DNMT1: variants seen among roughly 807,000 people sequenced by gnomAD.
DNMT1 encodes DNA (cytosine-5)-methyltransferase 1.
A neutral mutation model predicts 205.3 loss-of-function variants in DNMT1; 24 were observed. The ratio of observed to expected loss-of-function variants is 0.12; its 90% CI spans 0.08 to 0.16. The LOEUF (loss-of-function observed/expected upper bound fraction) is 0.16, where lower values mean the gene tolerates loss of function less well. Among genes scored for constraint, DNMT1 ranks in the 10% least tolerant of loss-of-function variants. The probability of loss-of-function intolerance (pLI) is 1.00; values close to 1 mark genes in which losing one functional copy is unlikely to be tolerated. For missense variants in DNMT1, 1,293 were observed against 2,177.7 expected (o/e 0.59, Z 8.09); for synonymous variants, 817 against 839.8 (o/e 0.97, Z 0.47).
Position 10,140,665 on chromosome 19 carries a change from G to T in DNMT1, c.3523+116C>A. 6.3e-7 allele frequency: 1 copy of T among 1,576,584 alleles called. No individual in the cohort carries two copies. ...TTACAGGCGTGCGCCACCGTGCCTG[G>T]CCTCGGAAGGAGATTCTTGAGTCAG... On this transcript the variant is annotated intron_variant, in intron 32 of 40. Coordinates refer to ENST00000359526, the MANE Select transcript of DNMT1 (RefSeq NM_001130823.3). This position sits in a 1 kb window ranked among gnomAD's most constrained non-coding sequence, Gnocchi z 8.4.
intron 14 of DNMT1, 80 bp from the exon 15 acceptor site, chr19:10,160,143 C>T (rs2038538266): frequency 5.6e-6 from 9 of 1,600,228 alleles, no homozygotes; most frequent in African/African-American, 4.0e-5. Context: ...GAGGTTTCTG[C>T]CTGAGGTGCC....
intron 30 of DNMT1, chr19:10,141,805 T>A: frequency 1.8e-6 from 1 of 569,764 alleles, no homozygotes; most frequent in Non-Finnish European, 3.1e-6. Flanking sequence ...AAACCAGGAG[T>A]GTTAAACTCC....
In DNMT1 at chr19:10,156,618, CTTT is replaced by C; in HGVS notation, c.1281-112_1281-110del. On this transcript the variant is annotated intron_variant, in intron 17 of 40. Transcript: ENST00000359526. The surrounding 1 kb of genome is among the most constrained non-coding windows in gnomAD (Gnocchi z 4.2). Reference sequence around the variant, plus strand: ...TGAGAGAATGTACAAGTCTGACACTCTTTTTTTGTTTGTTTTTGAGACAGAGTC... The same window carrying C: ...TGAGAGAATGTACAAGTCTGACACTCTTTTGTTTGTTTTTGAGACAGAGTC... 1 of 822,604 alleles carries C rather than the reference CTTT, an allele frequency of 1.2e-6. No individual in the cohort carries two copies. Among genetic ancestry groups the C allele is most frequent in the Non-Finnish European group, 2.1e-6 (1 of 479,106 alleles). The allele number at this position is 822,604 out of a possible 1,614,324, so 51.0% of individuals were successfully genotyped here.
chr19:10,134,377 C>T, intron 39 of DNMT1, 70 bp from the exon 40 acceptor site: 2 of 1,437,686 alleles, frequency 1.4e-6, no homozygotes, highest in Non-Finnish European at 1.9e-6. Flanking sequence ...AGGTGTACTG[C>T]CAGCCCCTGC....
intron 5 of DNMT1, 37 bp downstream of exon 5, chr19:10,180,150 C>A (rs2039016851): frequency 1.5e-6 from 1 of 666,618 alleles, no homozygotes; most frequent in East Asian, 2.9e-5. Context: ...CCCATCTCTA[C>A]TAAATACAAA....
At chr19:10,173,337 C>T (rs1312153729) in intron 8 of DNMT1, among the ~76,000 whole-genome samples, 163 bp from the exon 9 acceptor site, 1 of 152,138 alleles carries the variant, frequency 6.6e-6, no homozygotes, top group Non-Finnish European at 1.5e-5. Context: ...ATGACTTTTA[C>T]ACCTGGTTCG....
chr19:10,149,139 C>A (rs1271976513), intron 26 of DNMT1, 122 bp from the exon 27 acceptor site: 41 of 1,353,856 alleles, frequency 3.0e-5, no homozygotes, highest in Non-Finnish European at 2.0e-6. Context: ...GCCTGGCCAA[C>A]ATGGTGAAAC....
At chr19:10,190,765 AAAAAT>A (rs71188886) in intron 1 of DNMT1, among the ~76,000 whole-genome samples, 4,629 of 134,496 alleles carry the variant, frequency 0.034, 191 homozygotes, top group African/African-American at 0.094. Flanking sequence ...ACTCTGTCTC[AAAAAT>A]AAAATAAAAT....
chr19:10,177,459 T>C, intron 5 of DNMT1, 92 bp from the exon 6 acceptor site: 3 of 1,257,452 alleles, frequency 2.4e-6, no homozygotes, highest in Non-Finnish European at 3.4e-6. Context: ...ATTACTAAGC[T>C]ATTGCAGGAA....
chr19:10,174,227 GTCTGGGCAAC>G (rs2145362049), intron 7 of DNMT1, among the ~76,000 whole-genome samples: 1 of 152,248 alleles, frequency 6.6e-6, no homozygotes, highest in East Asian at 1.9e-4. Flanking sequence ...TTAGAGACCA[GTCTGGGCAAC>G]ATGGGAAACC....
intron 7 of DNMT1, among the ~76,000 whole-genome samples, chr19:10,175,080 TACATAC>T (rs1370600170): frequency 5.6e-4 from 51 of 90,606 alleles, no homozygotes; most frequent in Non-Finnish European, 4.3e-4. Context: ...AATACATACA[TACATAC>T]ACACACACAC....
chr19:10,191,325 C>T (rs1397523950), intron 1 of DNMT1, among the ~76,000 whole-genome samples: 7 of 148,542 alleles, frequency 4.7e-5, no homozygotes, highest in African/African-American at 9.9e-5. Flanking sequence ...CTGTTGGATA[C>T]CATGTTTATT....
At chr19:10,139,991 C>CA in intron 33 of DNMT1, 55 bp downstream of exon 33, 1 of 1,601,622 alleles carries the variant, frequency 6.2e-7, no homozygotes, top group Middle Eastern at 1.7e-4. Context: ...CCACTGCTGA[C>CA]ATGCGGCACA....
In DNMT1 at chr19:10,133,509, A is replaced by G; in HGVS notation, c.*158T>C. The G allele has an allele frequency of 3.9e-6, 3 of 776,406 alleles. No individual in the cohort carries two copies. Among genetic ancestry groups the G allele is most frequent in the Non-Finnish European group, 6.4e-6 (3 of 466,710 alleles). 48.1% of individuals were successfully genotyped at this position (776,406 alleles called of 1,614,324 possible). On this transcript the variant is annotated 3_prime_UTR_variant, in exon 41 of 41. Transcript: ENST00000359526. This position sits in a 1 kb window ranked among gnomAD's most constrained non-coding sequence, Gnocchi z 4.1. ...TGCACAATTTGATCACTAAATCATT[A>G]GTTGATAAGCGAACCTCACACAACA... is the stretch of plus-strand genomic sequence containing the variant.
At chr19:10,175,424 C>T in intron 7 of DNMT1, 116 bp downstream of exon 7, 1 of 1,163,108 alleles carries the variant, frequency 8.6e-7, no homozygotes, top group Non-Finnish European at 1.3e-6. Flanking sequence ...CTCTGGAGAG[C>T]CCTAAATAGA....
chr19:10,166,412 C>T (rs2038693647), intron 11 of DNMT1, among the ~76,000 whole-genome samples, 186 bp downstream of exon 11: 1 of 152,220 alleles, frequency 6.6e-6, no homozygotes, highest in Non-Finnish European at 1.5e-5. Flanking sequence ...CCAGCACAGG[C>T]ATCCAGCCAC....
rs367855794 is a variant in DNMT1 at position 10,170,788 on chromosome 19, TTTTG to T, written c.768+2298_768+2301del. ...ATCTTGGTTTTTTTTTGTTTGTTTG[TTTTG>T]TTTGTTTGTTTGTTTGTTTTAAGAC... On this transcript the variant is annotated intron_variant, in intron 9 of 40. Coordinates refer to ENST00000359526, the MANE Select transcript of DNMT1 (RefSeq NM_001130823.3). Among the ~76,000 whole-genome samples the T allele has an allele frequency of 6.6e-3, 998 of 151,944 alleles. 16 individuals are homozygous for T. The highest frequency in any genetic ancestry group is 0.035 in the East Asian group (181 of 5,120).
chr19:10,147,853 C>A (rs1188076329), intron 27 of DNMT1, among the ~76,000 whole-genome samples: 1 of 151,976 alleles, frequency 6.6e-6, no homozygotes, highest in Non-Finnish European at 1.5e-5. Context: ...GTGGCTCACA[C>A]CTGTAATCCC....
rs1484101604 is a variant in DNMT1 at position 10,142,225 on chromosome 19, G to A, written c.3117-5C>T. On this transcript the variant is annotated splice_region_variant and splice_polypyrimidine_tract_variant and intron_variant, in intron 29 of 40. Transcript: ENST00000359526. ...GACTTGTGGGTGTTCTCAGGCCTGC[G>A]AGCGGGAGAGGCCTCGTTAGGAGCT... 1.9e-6 allele frequency: 3 copies of A among 1,613,758 alleles called. No individual in the cohort carries two copies. Among genetic ancestry groups the A allele is most frequent in the African/African-American group, 1.3e-5 (1 of 74,934 alleles).
Sources: gnomAD v4.1 joint callset for allele counts (sites outside exome capture counted in the v4.1 genomes callset) on GRCh38, gnomAD v4.1.1 for gene constraint, Gnocchi (gnomAD v3.1) non-coding constraint, MANE v1.5 for transcripts, NCBI Gene and HGNC (gene_info 2026-07-23, HGNC 2026-07-21) for gene names.